NEK2: variants seen among roughly 807,000 people sequenced by gnomAD.
NEK2 encodes serine/threonine-protein kinase Nek2.
NEK2 carries 28 observed loss-of-function variants against 54.1 expected under a neutral mutation model. That is an observed-to-expected ratio of 0.52 (90% CI 0.38 to 0.71). NEK2 has a LOEUF of 0.71. NEK2 is among the 30% of genes least tolerant of loss of function. NEK2 has a pLI of 0.00. For synonymous variants in NEK2, 176 were observed against 193.1 expected, an observed-to-expected ratio of 0.91 and a Z score of 0.73; for missense variants, 407 against 531.5, an observed-to-expected ratio of 0.77 and a Z score of 2.30.
Position 211,675,549 on chromosome 1 carries a change from A to T in NEK2, c.-70T>A. On this transcript the variant is annotated 5_prime_UTR_variant, in exon 1 of 8. Coordinates refer to ENST00000366999, the MANE Select transcript of NEK2 (RefSeq NM_002497.4). ...CGCCAAGTGCGGAGCTCCAGGGACC[A>T]GGAACTCCAGGGACCTGGATGGAGA... 3 of 1,292,572 alleles carry T rather than the reference A, an allele frequency of 2.3e-6. No individual in the cohort carries two copies. Among genetic ancestry groups the T allele is most frequent in the Non-Finnish European group, 3.4e-6 (3 of 892,812 alleles). 80.1% of individuals were successfully genotyped at this position (1,292,572 alleles called of 1,614,324 possible).
At position 211,669,147 on chromosome 1, in the gene NEK2, C is replaced by T; in HGVS notation, c.951G>A (p.Glu317=). The change falls in exon 6 of 8, where the codon GAG becomes GAA. Residue 317 remains glutamate, a synonymous_variant. Coordinates refer to ENST00000366999, the MANE Select transcript of NEK2 (RefSeq NM_002497.4). ...TTTCTTCTCTTGCTTTGAGAGCTCG[C>T]TCTCGCTCCTGTAACTGAATTTCCT... The part of the protein sequence containing the change: ...KLKEIQLQER[E]RALKAREERL... 2 of 1,613,966 alleles carry T rather than the reference C, an allele frequency of 1.2e-6. No individual in the cohort carries two copies. The highest frequency in any genetic ancestry group is 1.7e-6 in the Non-Finnish European group (2 of 1,179,858).
rs1305618631 is a variant in NEK2, at chr1:211,670,288, T to A, written c.758A>T (p.Asn253Ile). The A allele has an allele frequency of 6.2e-7, 1 of 1,609,662 alleles. No individual in the cohort carries two copies. Residue 253 changes from asparagine to isoleucine, a missense_variant, in exon 5 of 8, where the codon AAC becomes ATC. Asn to Ile is a moderately radical substitution (Grantham distance 149). Transcript: ENST00000366999. The stretch of plus-strand genomic sequence containing the variant: ...TCATCTTATCATCTTTACCTTTAAG[T>A]TTAACATCCTCGTAATAATTTCATT... ...ELNEIITRML[N>I]LKDYHRPSVE... is the part of the protein sequence containing the mutation.
At chr1:211,660,616 A>G (rs762586432), downstream of NEK2, 10 of 645,066 alleles carry the variant, frequency 1.6e-5, no homozygotes, top group African/African-American at 3.6e-5. Flanking sequence ...TGCCATATGC[A>G]TGGCTGCAGC....
In NEK2 at chr1:211,673,463, C is replaced by A. The variant is rs756116797; in HGVS notation, c.555+20G>T. ...AAATAAAAGATGTTTTAAAAAGTAG[C>A]TAAATTCTGAAATACTTACAGGAGA... On this transcript the variant is annotated intron_variant, in intron 3 of 7. Transcript: ENST00000366999. The A allele has an allele frequency of 1.2e-6, 2 of 1,607,780 alleles. No homozygotes were observed. The highest frequency in any genetic ancestry group is 1.3e-5 in the African/African-American group (1 of 74,836).
intron 5 of NEK2, 140 bp from the exon 6 acceptor site, chr1:211,669,472 G>A: frequency 4.3e-6 from 3 of 700,330 alleles, no homozygotes; most frequent in African/African-American, 1.8e-5. Flanking sequence ...TAAAAACTTG[G>A]AAAAATAAGT....
Position 211,663,250 on chromosome 1 carries a change from A to T in NEK2, c.*176T>A. ...AAAGAAGAAAGAAAAATTAAATGTGAACATTTTGTACAATAGTTGCTGAAG... is the reference window on the plus strand; with the variant it reads ...AAAGAAGAAAGAAAAATTAAATGTGTACATTTTGTACAATAGTTGCTGAAG... On this transcript the variant is annotated 3_prime_UTR_variant, in exon 8 of 8. Coordinates refer to ENST00000366999, the MANE Select transcript of NEK2 (RefSeq NM_002497.4). 7.3e-7 allele frequency: 1 copy of T among 1,362,572 alleles called. No homozygotes were observed. Among genetic ancestry groups the T allele is most frequent in the Admixed American group, 3.3e-5 (1 of 30,416 alleles). The allele number at this position is 1,362,572 out of a possible 1,614,324, so 84.4% of individuals were successfully genotyped here.
chr1:211,661,855 A>G (rs1368261971), downstream of NEK2, among the ~76,000 whole-genome samples: 4 of 152,192 alleles, frequency 2.6e-5, no homozygotes. Context: ...CAAGCGTGGC[A>G]CTATTCATGA....
chr1:211,675,204 C>T (rs982114869), intron 1 of NEK2, among the ~76,000 whole-genome samples, 180 bp downstream of exon 1: 1 of 152,218 alleles, frequency 6.6e-6, no homozygotes, highest in African/African-American at 2.4e-5. Context: ...TCAAAAGAAG[C>T]GGTCTCCCAT....
At chr1:211,659,492 A>C (rs1436785895), downstream of NEK2, among the ~76,000 whole-genome samples, 1 of 152,016 alleles carries the variant, frequency 6.6e-6, no homozygotes, top group African/African-American at 2.4e-5. Context: ...TTCCCTACTA[A>C]ATTTCCCTAT....
At chr1:211,671,324 G>T (rs1655384631) in intron 3 of NEK2, 40 bp from the exon 4 acceptor site, 1 of 1,466,204 alleles carries the variant, frequency 6.8e-7, no homozygotes, top group Admixed American at 1.7e-5. Context: ...AAGGTGTTAA[G>T]AGTTTATTTT....
At chr1:211,660,216 C>T (rs562121164), downstream of NEK2, 17 of 319,856 alleles carry the variant, frequency 5.3e-5, no homozygotes, top group South Asian at 4.3e-4. Flanking sequence ...AGATTTTGCA[C>T]GCCAGCCCCA....
In NEK2 at chr1:211,674,322, A is replaced by G; in HGVS notation, c.288T>C (p.Ser96=). The G allele has an allele frequency of 1.2e-6, 2 of 1,613,330 alleles. No homozygotes were observed. The highest frequency in any genetic ancestry group is 4.5e-5 in the East Asian group (2 of 44,848). Residue 96 remains serine (S), a synonymous_variant, in exon 2 of 8, where the codon AGT becomes AGC. Coordinates refer to ENST00000366999, the MANE Select transcript of NEK2 (RefSeq NM_002497.4). ...TTTCCTTGGTTCCCTTTGTAATTAC[A>G]CTAGCCAGATCCCCTCCTTCACAAT... is the stretch of plus-strand genomic sequence containing the variant. ...MEYCEGGDLA[S]VITKGTKERQ...
At position 211,674,334 on chromosome 1, in the gene NEK2, C is replaced by A. The variant is rs1655504285; in HGVS notation, c.276G>T (p.Gly92=). The change falls in exon 2 of 8, where the codon GGG becomes GGT. Residue 92 remains glycine (G), a synonymous_variant. Transcript: ENST00000366999. ...CCTTTGTAATTACACTAGCCAGATCCCCTCCTTCACAATATTCCATTACAA... is the reference window on the plus strand; with the variant it reads ...CCTTTGTAATTACACTAGCCAGATCACCTCCTTCACAATATTCCATTACAA... ...LYIVMEYCEG[G]DLASVITKGT... 6.2e-7 allele frequency: 1 copy of A among 1,613,748 alleles called. No individual in the cohort carries two copies. The highest frequency in any genetic ancestry group is 2.2e-5 in the East Asian group (1 of 44,864).
chr1:211,673,145 A>T (rs913625171), intron 3 of NEK2, among the ~76,000 whole-genome samples: 1 of 152,048 alleles, frequency 6.6e-6, no homozygotes, highest in Non-Finnish European at 1.5e-5. Context: ...ATGGTGGCTC[A>T]CGCCTGTAAT....
In NEK2 at chr1:211,662,872, A is replaced by T; in HGVS notation, c.*554T>A. On this transcript the variant is annotated 3_prime_UTR_variant, in exon 8 of 8. Coordinates refer to ENST00000366999, the MANE Select transcript of NEK2 (RefSeq NM_002497.4). This position sits in a 1 kb window ranked among gnomAD's most constrained non-coding sequence, Gnocchi z 4.2. Reference sequence around the variant, plus strand: ...ACAGAAAAAAAAAAAGAATACAAACATCACAGTGATGAATTTTCACAAAGC... The same window carrying T: ...ACAGAAAAAAAAAAAGAATACAAACTTCACAGTGATGAATTTTCACAAAGC... 3.0e-6 allele frequency: 3 copies of T among 985,354 alleles called. No homozygotes were observed. Among genetic ancestry groups the T allele is most frequent in the Non-Finnish European group, 3.6e-6 (3 of 829,464 alleles). The allele number at this position is 985,354 out of a possible 1,614,324, so 61.0% of individuals were successfully genotyped here.
In NEK2 at chr1:211,662,813, G is replaced by A. The variant is rs149271872; in HGVS notation, c.*613C>T. The A allele has an allele frequency of 1.3e-5, 13 of 984,070 alleles. 1 individual carries two copies. In the East Asian group the frequency reaches 1.5e-3, roughly 112 times the overall value. 61.0% of individuals were successfully genotyped at this position (984,070 alleles called of 1,614,324 possible). ...AATTCTTTTATTTAGTGGGAAAGAAGTAGGTAAATGACAGACAGCTCATAT... is the reference window on the plus strand; with the variant it reads ...AATTCTTTTATTTAGTGGGAAAGAAATAGGTAAATGACAGACAGCTCATAT... On this transcript the variant is annotated 3_prime_UTR_variant, in exon 8 of 8. Transcript: ENST00000366999. The surrounding 1 kb of genome is among the most constrained non-coding windows in gnomAD (Gnocchi z 4.2).
At chr1:211,661,651 G>A (rs375812870), downstream of NEK2, among the ~76,000 whole-genome samples, 6 of 152,192 alleles carry the variant, frequency 3.9e-5, no homozygotes, top group Admixed American at 2.0e-4. Flanking sequence ...GAAAACATGC[G>A]ATAGTTTTTC....
chr1:211,658,688 C>T (rs1175284409), downstream of NEK2: 1 of 336,096 alleles, frequency 3.0e-6, no homozygotes, highest in African/African-American at 2.8e-5. Flanking sequence ...CCACTGCATT[C>T]CAGCCTGGGC....
At chr1:211,670,135 G>T in intron 5 of NEK2, 146 bp downstream of exon 5, 2 of 813,958 alleles carry the variant, frequency 2.5e-6, no homozygotes, top group South Asian at 3.3e-5. Context: ...ATTTACATAT[G>T]TTTTCACTTG....
Sources: allele counts gnomAD v4.1 joint callset (sites outside exome capture counted in the v4.1 genomes callset), GRCh38; gene constraint gnomAD v4.1.1; non-coding constraint Gnocchi (gnomAD v3.1); transcripts MANE v1.5; gene names NCBI Gene and HGNC (gene_info 2026-07-23, HGNC 2026-07-21).